ATRNL1: variants seen among roughly 807,000 people sequenced by gnomAD.
ATRNL1 encodes attractin-like protein 1.
ATRNL1 carries 95 observed loss-of-function variants against 182.7 expected under a neutral mutation model. The observed-to-expected ratio is 0.52, with a 90% confidence interval of 0.44 to 0.62. The LOEUF is 0.62. Ranked by LOEUF, ATRNL1 falls within the 20% of genes least tolerant of loss-of-function variation. The pLI, the probability that ATRNL1 is intolerant of heterozygous loss-of-function variation, is 0.00. For synonymous variants in ATRNL1, 576 were observed against 568.3 expected, an observed-to-expected ratio of 1.01 and a Z score of -0.19; for missense variants, 1,471 against 1,679.5, an observed-to-expected ratio of 0.88 and a Z score of 2.17.
At chr10:115,407,953 A>G (rs1456540427) in intron 20 of ATRNL1, among the ~76,000 whole-genome samples, 1 of 140,072 alleles carries the variant, frequency 7.1e-6, no homozygotes, top group East Asian at 2.3e-4. Flanking sequence ...CTGGGGTCAG[A>G]TGATATCTCT....
chr10:115,711,330 C>G (rs1947058149), intron 26 of ATRNL1, among the ~76,000 whole-genome samples: 1 of 152,056 alleles, frequency 6.6e-6, no homozygotes, highest in Non-Finnish European at 1.5e-5. Context: ...GGATCCAAAC[C>G]AAACTCACAT....
intron 19 of ATRNL1, among the ~76,000 whole-genome samples, chr10:115,385,681 T>C (rs1247168138): frequency 2.6e-5 from 4 of 152,210 alleles, no homozygotes; most frequent in Non-Finnish European, 5.9e-5. Flanking sequence ...TTCCAGAAAT[T>C]GTATAGTGTT....
At chr10:115,672,093 A>T (rs1199295839) in intron 26 of ATRNL1, among the ~76,000 whole-genome samples, 3 of 152,270 alleles carry the variant, frequency 2.0e-5, no homozygotes, top group Non-Finnish European at 2.9e-5. Context: ...AAATAACATA[A>T]TTGTATATAA....
intron 25 of ATRNL1, among the ~76,000 whole-genome samples, chr10:115,532,109 C>T (rs531683389): frequency 1.1e-4 from 16 of 151,644 alleles, no homozygotes; most frequent in African/African-American, 2.9e-4. Flanking sequence ...CTTGGCGATG[C>T]GGGCTCTTTT....
chr10:115,618,494 C>T lies in ATRNL1; in HGVS notation c.3795+68958C>T, dbSNP rs148673692. Among the ~76,000 whole-genome samples the T allele has an allele frequency of 5.4e-3, 824 of 151,974 alleles. 3 individuals are homozygous for T. Among genetic ancestry groups the T allele is most frequent in the Non-Finnish European group, 8.5e-3 (575 of 67,986 alleles). On this transcript the variant is annotated intron_variant, in intron 26 of 28. Coordinates refer to ENST00000355044, the MANE Select transcript of ATRNL1 (RefSeq NM_207303.4). ...ATTTGCATAATGGTATTTCATATGT[C>T]ACATTGGCCTTTTTACAATTTTTTT...
At chr10:115,611,710 A>T (rs1857167308) in intron 26 of ATRNL1, among the ~76,000 whole-genome samples, 1 of 152,156 alleles carries the variant, frequency 6.6e-6, no homozygotes, top group Admixed American at 6.5e-5. Context: ...TATTAATATT[A>T]AGATGATTAA....
chr10:115,702,488 G>T (rs1555051816), intron 26 of ATRNL1, among the ~76,000 whole-genome samples: 1 of 151,916 alleles, frequency 6.6e-6, no homozygotes, highest in Non-Finnish European at 1.5e-5. Context: ...TCGCTTTGCT[G>T]ATGATATAAT....
At chr10:115,230,800 G>C (rs931202843) in intron 9 of ATRNL1, among the ~76,000 whole-genome samples, 1 of 149,582 alleles carries the variant, frequency 6.7e-6, no homozygotes, top group African/African-American at 2.5e-5. Context: ...GAATTGGTTG[G>C]ATTCCGAATA....
At chr10:115,833,286 C>G (rs1214008732) in intron 27 of ATRNL1, among the ~76,000 whole-genome samples, 2 of 152,080 alleles carry the variant, frequency 1.3e-5, no homozygotes, top group Non-Finnish European at 2.9e-5. Flanking sequence ...GAAATTTGGG[C>G]CTAGAAAGAT....
At chr10:115,104,630 T>C (rs1189860258) in intron 1 of ATRNL1, among the ~76,000 whole-genome samples, 1 of 152,110 alleles carries the variant, frequency 6.6e-6, no homozygotes, top group African/African-American at 2.4e-5. Context: ...AGTCTCCAGG[T>C]GTCCTGGAGA....
At chr10:115,240,580 A>C (rs994101344) in intron 9 of ATRNL1, among the ~76,000 whole-genome samples, 3 of 152,100 alleles carry the variant, frequency 2.0e-5, no homozygotes, top group Non-Finnish European at 4.4e-5. Context: ...TTTAGAAATT[A>C]ATTGGTATTA....
At chr10:115,157,216 T>C (rs918495233) in intron 5 of ATRNL1, among the ~76,000 whole-genome samples, 4 of 152,106 alleles carry the variant, frequency 2.6e-5, no homozygotes, top group Non-Finnish European at 4.4e-5. Context: ...TGTGTATAAT[T>C]GTTCAGTATC....
chr10:115,651,795 C>T (rs1274237095), intron 26 of ATRNL1, among the ~76,000 whole-genome samples: 3 of 152,038 alleles, frequency 2.0e-5, no homozygotes, highest in Non-Finnish European at 4.4e-5. Flanking sequence ...TTATGTATTT[C>T]GAAGTTGGCT....
chr10:115,652,583 C>A (rs1860080172), intron 26 of ATRNL1, among the ~76,000 whole-genome samples: 1 of 152,012 alleles, frequency 6.6e-6, no homozygotes, highest in Admixed American at 6.6e-5. Flanking sequence ...TATTAATAAC[C>A]TTTACTATTA....
intron 19 of ATRNL1, among the ~76,000 whole-genome samples, chr10:115,371,283 C>T (rs544224958): frequency 6.6e-6 from 1 of 152,230 alleles, no homozygotes; most frequent in African/African-American, 2.4e-5. Context: ...CCTAGTGGAG[C>T]TGTGAGAAGA....
intron 27 of ATRNL1, among the ~76,000 whole-genome samples, chr10:115,809,932 G>GT (rs2134253954): frequency 6.6e-6 from 1 of 151,982 alleles, no homozygotes; most frequent in African/African-American, 2.4e-5. Flanking sequence ...TTCAGGTTTT[G>GT]TAAGATGGTC....
At chr10:115,432,610 C>G (rs536663359) in intron 21 of ATRNL1, among the ~76,000 whole-genome samples, 1 of 152,090 alleles carries the variant, frequency 6.6e-6, no homozygotes, top group Non-Finnish European at 1.5e-5. Context: ...AGTGATATGT[C>G]AGCAGTTGTA....
intron 28 of ATRNL1, among the ~76,000 whole-genome samples, chr10:115,897,932 A>T (rs1000858378): frequency 1.4e-5 from 2 of 145,970 alleles, no homozygotes; most frequent in East Asian, 2.0e-4. Context: ...GGTCATCCTT[A>T]TTTTTTTTTT....
chr10:115,865,854 C>T (rs1406894515), intron 28 of ATRNL1, among the ~76,000 whole-genome samples: 1 of 152,156 alleles, frequency 6.6e-6, no homozygotes, highest in East Asian at 1.9e-4. Context: ...CTGTGCTGTC[C>T]TCTGGAATCT....
Sources: gnomAD v4.1 joint callset for allele counts (sites outside exome capture counted in the v4.1 genomes callset) on GRCh38, gnomAD v4.1.1 for gene constraint, MANE v1.5 for transcripts, NCBI Gene and HGNC (gene_info 2026-07-23, HGNC 2026-07-21) for gene names.